WBP1L: variants seen among roughly 807,000 people sequenced by gnomAD.
The protein encoded by WBP1L is WW domain binding protein 1-like.
A neutral mutation model predicts 33.7 loss-of-function variants in WBP1L; 17 were observed. That is an observed-to-expected ratio of 0.50 (90% confidence interval 0.34 to 0.76). WBP1L has a LOEUF of 0.76. Ranked by LOEUF, WBP1L falls within the 30% of genes least tolerant of loss-of-function variation. The pLI is 0.01. For synonymous variants in WBP1L, 173 were observed against 190.8 expected (o/e 0.91, Z 0.77); for missense variants, 389 against 469.4 (o/e 0.83, Z 1.58).
intron 1 of WBP1L, among the ~76,000 whole-genome samples, chr10:102,792,668 C>T (rs907813946): frequency 3.4e-5 from 5 of 148,036 alleles, no homozygotes; most frequent in African/African-American, 1.2e-4. Context: ...GATCTCAGCT[C>T]ACCACAGCCT....
rs146308240 is a variant in WBP1L, at chr10:102,787,875, C to T, written c.91-10118C>T. Among the ~76,000 whole-genome samples, 793 of 151,636 alleles carry T rather than the reference C, an allele frequency of 5.2e-3. 2 individuals carry two copies. The highest frequency in any genetic ancestry group is 0.018 in the African/African-American group (754 of 41,386). ...GGCGGATCACCTGAGGTCAGGCGTGCGAGACCAGCCTGGCCAATATGGTGA... is the reference window on the plus strand; with the variant it reads ...GGCGGATCACCTGAGGTCAGGCGTGTGAGACCAGCCTGGCCAATATGGTGA... On this transcript the variant is annotated intron_variant, in intron 1 of 3. Coordinates refer to ENST00000448841, the MANE Select transcript of WBP1L (RefSeq NM_001083913.2).
At position 102,764,056 on chromosome 10, in the gene WBP1L, C is replaced by T. The variant is rs567910632; in HGVS notation, c.90+19913C>T. On this transcript the variant is annotated intron_variant, in intron 1 of 3. Coordinates refer to ENST00000448841, the MANE Select transcript of WBP1L (RefSeq NM_001083913.2). The stretch of plus-strand genomic sequence containing the variant: ...CTCAAACTCCTGACCTCAGGTGATC[C>T]GCCTGCCTCGGCCTCCCAAAATGCT... Among the ~76,000 whole-genome samples, 24 of 152,258 alleles carry T rather than the reference C, an allele frequency of 1.6e-4. No individual in the cohort carries two copies. The East Asian group carries it at 2.9e-3, about 18-fold the overall frequency.
At chr10:102,793,394 A>C (rs1317774814) in intron 1 of WBP1L, among the ~76,000 whole-genome samples, 2 of 152,236 alleles carry the variant, frequency 1.3e-5, no homozygotes, top group African/African-American at 4.8e-5. Flanking sequence ...GTAGTGAGCT[A>C]CAGTCGTGCC....
chr10:102,802,373 G>A (rs1590190788), intron 2 of WBP1L, among the ~76,000 whole-genome samples: 1 of 148,936 alleles, frequency 6.7e-6, no homozygotes, highest in South Asian at 2.1e-4. Context: ...TTTACCTGCC[G>A]TTTTTTTTTG....
intron 1 of WBP1L, among the ~76,000 whole-genome samples, chr10:102,783,118 G>A (rs1006545457): frequency 8.5e-5 from 13 of 152,156 alleles, no homozygotes; most frequent in African/African-American, 3.1e-4. Flanking sequence ...CTGGAGTGCC[G>A]TGGGAGGTTA....
intron 1 of WBP1L, among the ~76,000 whole-genome samples, chr10:102,790,439 A>C (rs1361342874): frequency 6.6e-6 from 1 of 151,876 alleles, no homozygotes. Flanking sequence ...TGAATTTGTC[A>C]TCTTGTTTGT....
chr10:102,781,500 C>G (rs1287728288), intron 1 of WBP1L, among the ~76,000 whole-genome samples: 1 of 152,084 alleles, frequency 6.6e-6, no homozygotes, highest in African/African-American at 2.4e-5. Context: ...TGGTGTCTGT[C>G]TGCCCCTGCC....
At chr10:102,773,745 G>C (rs1054600182) in intron 1 of WBP1L, among the ~76,000 whole-genome samples, 3 of 151,924 alleles carry the variant, frequency 2.0e-5, no homozygotes, top group Middle Eastern at 3.2e-3. Context: ...AAAAAACTTA[G>C]CTGAGTGTGG....
At chr10:102,812,551 A>G (rs1843858802) in intron 3 of WBP1L, 44 bp from the exon 4 acceptor site, 1 of 1,532,064 alleles carries the variant, frequency 6.5e-7, no homozygotes, top group Non-Finnish European at 8.8e-7. Flanking sequence ...TGCCTAGAAC[A>G]ATGACCAGTG....
intron 1 of WBP1L, among the ~76,000 whole-genome samples, chr10:102,776,842 TGGG>T (rs1317220602): frequency 6.6e-6 from 1 of 152,076 alleles, no homozygotes; most frequent in African/African-American, 2.4e-5. Context: ...GACTCTGTGT[TGGG>T]GGTGGGGTGA....
intron 1 of WBP1L, among the ~76,000 whole-genome samples, chr10:102,771,897 G>A (rs919028160): frequency 9.2e-5 from 14 of 152,080 alleles, no homozygotes; most frequent in Non-Finnish European, 2.1e-4. Flanking sequence ...CAGAGGAGGA[G>A]ACTGCCTCGG....
In WBP1L at chr10:102,760,380, T is replaced by C. The variant is rs11191388; in HGVS notation, c.90+16237T>C. ...TCTTTCTTTCTTTCTTTCTTTCTTT[T>C]TTTTTTTTTTTTTGAGGTGGAGTTT... On this transcript the variant is annotated intron_variant, in intron 1 of 3. Coordinates refer to ENST00000448841, the MANE Select transcript of WBP1L (RefSeq NM_001083913.2). Among the ~76,000 whole-genome samples the C allele has an allele frequency of 1.9e-4, 27 of 144,030 alleles. No homozygotes were observed. The South Asian group carries it at 5.2e-3, about 28-fold the overall frequency. The allele number at this position is 144,030 out of a possible 152,430, so 94.5% of individuals were successfully genotyped here.
At chr10:102,779,345 T>A (rs970006248) in intron 1 of WBP1L, among the ~76,000 whole-genome samples, 1 of 151,488 alleles carries the variant, frequency 6.6e-6, no homozygotes, top group Non-Finnish European at 1.5e-5. Flanking sequence ...TCACCCAGGC[T>A]GGAGTGCAAT....
chr10:102,744,404 G>T (rs1336648786), intron 1 of WBP1L: 2 of 985,296 alleles, frequency 2.0e-6, no homozygotes, highest in Non-Finnish European at 2.4e-6. Flanking sequence ...GTGGGCTGGG[G>T]TGACTGTGGC....
intron 1 of WBP1L, among the ~76,000 whole-genome samples, chr10:102,746,611 G>C (rs57924360): frequency 8.8e-4 from 8 of 9,060 alleles, no homozygotes; most frequent in South Asian, 4.8e-3. Flanking sequence ...GGTTTTTTTG[G>C]GGGGGGTGGG....
intron 1 of WBP1L, among the ~76,000 whole-genome samples, chr10:102,772,809 A>C (rs149688294): frequency 6.6e-6 from 1 of 151,604 alleles, no homozygotes; most frequent in South Asian, 2.1e-4. Flanking sequence ...GGCTCAAGCA[A>C]TCTGCCCACC....
chr10:102,792,859 T>G (rs1161185616), intron 1 of WBP1L, among the ~76,000 whole-genome samples: 1 of 152,066 alleles, frequency 6.6e-6, no homozygotes, highest in African/African-American at 2.4e-5. Context: ...CCTCCCAAAT[T>G]GCTGGAATTA....
chr10:102,757,569 C>CTTTTTTTTTTTTTT, intron 1 of WBP1L, among the ~76,000 whole-genome samples: 54 of 88,810 alleles, frequency 6.1e-4, no homozygotes, highest in East Asian at 8.9e-4. Context: ...GTTTCTGAGC[C>CTTTTTTTTTTTTTT]TTTTTTTTTT....
rs1367755687 is a variant in WBP1L at position 102,813,005 on chromosome 10, A to G, written c.766A>G (p.Ser256Gly). 1.2e-6 allele frequency: 2 copies of G among 1,613,732 alleles called. No homozygotes were observed. The highest frequency in any genetic ancestry group is 1.7e-6 in the Non-Finnish European group (2 of 1,180,012). The change falls in exon 4 of 4, where the codon AGC becomes GGC. Residue 256 changes from serine (S) to glycine (G), a missense_variant. Physicochemically the swap from Ser to Gly is moderately conservative, Grantham distance 56. Coordinates refer to ENST00000448841, the MANE Select transcript of WBP1L (RefSeq NM_001083913.2). ...CAGCTCTGAACACGGCGCACCCGAC[A>G]GCAAAGAGAAGACGCCTGGGAGACA... ...DDSSEHGAPD[S>G]KEKTPGRHRR...
Sources: gnomAD v4.1 joint callset for allele counts (sites outside exome capture counted in the v4.1 genomes callset) on GRCh38, gnomAD v4.1.1 for gene constraint, MANE v1.5 for transcripts, NCBI Gene and HGNC (gene_info 2026-07-23, HGNC 2026-07-21) for gene names.